CADM1: variants seen among roughly 807,000 people sequenced by gnomAD.
The protein encoded by CADM1 is cell adhesion molecule 1, also known as TSLC-1.
In CADM1, 15 loss-of-function variants were observed where a neutral mutation model predicts 53.1. The observed-to-expected ratio is 0.28, with a 90% confidence interval of 0.19 to 0.44. CADM1 has a LOEUF of 0.44. Among genes scored for constraint, CADM1 ranks in the 20% least tolerant of loss-of-function variants. The pLI, the probability that CADM1 is intolerant of heterozygous loss-of-function variation, is 1.00. For missense variants in CADM1, 434 were observed against 611.3 expected (o/e 0.71, Z 3.06); for synonymous variants, 281 against 243.0 (o/e 1.16, Z -1.45).
At chr11:115,218,374 T>C (rs1291053539) in intron 5 of CADM1, among the ~76,000 whole-genome samples, 1 of 152,198 alleles carries the variant, frequency 6.6e-6, no homozygotes, top group East Asian at 1.9e-4. Flanking sequence ...ATATATCATA[T>C]ATTACTATGT....
intron 1 of CADM1, among the ~76,000 whole-genome samples, chr11:115,459,004 A>C: frequency 6.6e-6 from 1 of 152,114 alleles, no homozygotes; most frequent in East Asian, 1.9e-4. Context: ...AAACAAAGAA[A>C]CCTCTCGAGA....
intron 3 of CADM1, among the ~76,000 whole-genome samples, chr11:115,236,440 A>G (rs1942013818): frequency 6.6e-6 from 1 of 152,222 alleles, no homozygotes; most frequent in South Asian, 2.1e-4. Context: ...AAGAATATCT[A>G]CTACTTTTTA....
At chr11:115,302,628 A>G (rs1053840757) in intron 1 of CADM1, among the ~76,000 whole-genome samples, 4 of 152,096 alleles carry the variant, frequency 2.6e-5, no homozygotes, top group Non-Finnish European at 5.9e-5. Context: ...TCTTACCTAA[A>G]AAAAGAAAAA....
chr11:115,216,606 C>T (rs558223000), intron 6 of CADM1, among the ~76,000 whole-genome samples: 3 of 152,182 alleles, frequency 2.0e-5, no homozygotes, highest in East Asian at 1.9e-4. Context: ...TGCTGAAGCT[C>T]GAAGCATTCA....
chr11:115,422,295 A>T (rs1947776693), intron 1 of CADM1, among the ~76,000 whole-genome samples: 1 of 152,160 alleles, frequency 6.6e-6, no homozygotes, highest in South Asian at 2.1e-4. Context: ...ATAATACTCA[A>T]GTTGCTGAAA....
At chr11:115,442,238 T>G (rs1485215406) in intron 1 of CADM1, among the ~76,000 whole-genome samples, 2 of 151,562 alleles carry the variant, frequency 1.3e-5, no homozygotes, top group African/African-American at 4.9e-5. Context: ...CAGAGAATAA[T>G]AAATACAATC....
chr11:115,272,077 ATTT>A (rs5794962), intron 1 of CADM1, among the ~76,000 whole-genome samples: 1 of 148,030 alleles, frequency 6.8e-6, no homozygotes, highest in Non-Finnish European at 1.5e-5. Flanking sequence ...TTCATTATAG[ATTT>A]TTTTTTTTTT....
intron 1 of CADM1, among the ~76,000 whole-genome samples, chr11:115,448,337 C>T (rs1162509451): frequency 6.6e-6 from 1 of 152,036 alleles, no homozygotes; most frequent in Non-Finnish European, 1.5e-5. Flanking sequence ...ATAGTTTCTG[C>T]TATAAATCTG....
At chr11:115,213,273 G>T (rs1941039381) in intron 7 of CADM1, among the ~76,000 whole-genome samples, 1 of 152,220 alleles carries the variant, frequency 6.6e-6, no homozygotes, top group Non-Finnish European at 1.5e-5. Flanking sequence ...CATATCGCCA[G>T]CTGAAAACGG....
intron 1 of CADM1, among the ~76,000 whole-genome samples, chr11:115,293,220 C>A (rs1000960324): frequency 1.3e-5 from 2 of 152,112 alleles, no homozygotes; most frequent in Admixed American, 1.3e-4. Context: ...ATCCCGGGGT[C>A]AGGAGATCAA....
intron 1 of CADM1, among the ~76,000 whole-genome samples, chr11:115,295,532 A>G (rs1944042569): frequency 1.2e-5 from 1 of 84,906 alleles, no homozygotes; most frequent in Non-Finnish European, 1.9e-5. Flanking sequence ...ATATATATAT[A>G]TATATATATA....
chr11:115,343,476 T>C (rs1945499875), intron 1 of CADM1, among the ~76,000 whole-genome samples: 1 of 152,120 alleles, frequency 6.6e-6, no homozygotes, highest in Non-Finnish European at 1.5e-5. Context: ...GATTTAAACC[T>C]AGACAGTCTG....
chr11:115,173,080 A>T lies in CADM1; in HGVS notation c.*3394T>A, dbSNP rs1331823254. ...CCAGGCCTGGAAGTCTCAGCAACCTAAACAGCAAGTGAGAACAATCTTCTG... is the reference window on the plus strand; with the variant it reads ...CCAGGCCTGGAAGTCTCAGCAACCTTAACAGCAAGTGAGAACAATCTTCTG... On this transcript the variant is annotated 3_prime_UTR_variant, in exon 12 of 12. Transcript: ENST00000331581. 6.6e-6 allele frequency: 1 copy of T among 152,294 alleles called. No individual in the cohort carries two copies. The highest frequency in any genetic ancestry group is 1.5e-5 in the Non-Finnish European group (1 of 68,102). 9.4% of individuals were successfully genotyped at this position (152,294 alleles called of 1,614,324 possible).
chr11:115,175,207 T>C lies in CADM1; in HGVS notation c.*1267A>G. 1 of 985,838 alleles carries C rather than the reference T, an allele frequency of 1.0e-6. No individual in the cohort carries two copies. Among genetic ancestry groups the C allele is most frequent in the Non-Finnish European group, 1.2e-6 (1 of 829,940 alleles). 61.1% of individuals were successfully genotyped at this position (985,838 alleles called of 1,614,324 possible). A position where few individuals can be genotyped will look rare whatever the true frequency, so the allele number is the denominator to read the frequency against. On this transcript the variant is annotated 3_prime_UTR_variant, in exon 12 of 12. Coordinates refer to ENST00000331581, the MANE Select transcript of CADM1 (RefSeq NM_001301043.2). Reference sequence around the variant, plus strand: ...AGAACTGAGAGCGACAGCAGACCAGTGTGAGAACAATACCAGCCCTTCTTT... The same window carrying C: ...AGAACTGAGAGCGACAGCAGACCAGCGTGAGAACAATACCAGCCCTTCTTT...
intron 9 of CADM1, among the ~76,000 whole-genome samples, chr11:115,192,214 T>C (rs1336013339): frequency 1.3e-5 from 2 of 152,228 alleles, no homozygotes; most frequent in East Asian, 1.9e-4. Flanking sequence ...CGAACATTGA[T>C]AGCCAGGTCA....
intron 1 of CADM1, among the ~76,000 whole-genome samples, chr11:115,420,776 T>C (rs1235499668): frequency 6.6e-6 from 1 of 152,216 alleles, no homozygotes; most frequent in Non-Finnish European, 1.5e-5. Context: ...GGCTTACTGA[T>C]GATGAACAAA....
intron 1 of CADM1, among the ~76,000 whole-genome samples, chr11:115,357,440 C>T (rs1214839482): frequency 2.0e-5 from 3 of 152,080 alleles, no homozygotes; most frequent in Non-Finnish European, 4.4e-5. Context: ...TGAAAATTTC[C>T]CTGTCACAGC....
At chr11:115,468,011 T>A (rs1430377084) in intron 1 of CADM1, among the ~76,000 whole-genome samples, 1 of 152,152 alleles carries the variant, frequency 6.6e-6, no homozygotes, top group Non-Finnish European at 1.5e-5. Context: ...AGTACAAAAT[T>A]TCATAACCAG....
At chr11:115,432,991 A>G (rs1302288016) in intron 1 of CADM1, among the ~76,000 whole-genome samples, 1 of 152,252 alleles carries the variant, frequency 6.6e-6, no homozygotes, top group Non-Finnish European at 1.5e-5. Flanking sequence ...GTATTTAAAT[A>G]GCATTCCAAA....
Sources: gnomAD v4.1 joint callset for allele counts (sites outside exome capture counted in the v4.1 genomes callset) on GRCh38, gnomAD v4.1.1 for gene constraint, MANE v1.5 for transcripts, NCBI Gene and HGNC (gene_info 2026-07-23, HGNC 2026-07-21) for gene names.